RPS6KC1: variants seen among roughly 807,000 people sequenced by gnomAD.
RPS6KC1 encodes ribosomal protein S6 kinase C1.
Under a neutral mutation model 103.8 loss-of-function variants are expected in RPS6KC1, and 54 were observed. The ratio of observed to expected loss-of-function variants is 0.52; its 90% CI spans 0.42 to 0.65. The LOEUF is 0.65. RPS6KC1 is among the 30% of genes least tolerant of loss of function. The probability of loss-of-function intolerance (pLI) is 0.00; values close to 1 mark genes in which losing one functional copy is unlikely to be tolerated. For synonymous variants in RPS6KC1, 439 were observed against 438.7 expected (o/e 1.00, Z -0.01); for missense variants, 1,151 against 1,253.8 (o/e 0.92, Z 1.24).
intron 4 of RPS6KC1, among the ~76,000 whole-genome samples, chr1:213,109,533 A>T (rs562230513): frequency 6.6e-6 from 1 of 152,168 alleles, no homozygotes; most frequent in Non-Finnish European, 1.5e-5. Context: ...TTTTAATCTT[A>T]TGATGCTGTT....
chr1:213,312,695 C>T, the RPS6KC1 span, among the ~76,000 whole-genome samples: 2 of 152,216 alleles, frequency 1.3e-5, no homozygotes, highest in African/African-American at 2.4e-5. Flanking sequence ...CTGCCATCTC[C>T]GGCAGCTTCC....
the RPS6KC1 span, among the ~76,000 whole-genome samples, chr1:213,363,603 TCGC>T: frequency 2.6e-4 from 19 of 71,790 alleles, 1 homozygote; most frequent in African/African-American, 1.3e-3. Flanking sequence ...CCTTGCTCGC[TCGC>T]TTGCTTGCTT....
the RPS6KC1 span, among the ~76,000 whole-genome samples, chr1:213,289,698 G>A: frequency 6.6e-6 from 1 of 152,158 alleles, no homozygotes; most frequent in Admixed American, 6.5e-5. Context: ...TCTACTCTAT[G>A]AGGAAAATGT....
chr1:213,795,693 G>C, the RPS6KC1 span, among the ~76,000 whole-genome samples: 1 of 151,948 alleles, frequency 6.6e-6, no homozygotes, highest in African/African-American at 2.4e-5. Flanking sequence ...TCAGACCCTG[G>C]AATAGTAGAG....
chr1:213,247,121 T>C (rs1301063220), intron 12 of RPS6KC1, among the ~76,000 whole-genome samples: 5 of 152,230 alleles, frequency 3.3e-5, no homozygotes, highest in Non-Finnish European at 7.3e-5. Flanking sequence ...TGTCATTGAA[T>C]ACTTTTCACA....
At chr1:213,092,467 C>A (rs1483203062) in intron 3 of RPS6KC1, among the ~76,000 whole-genome samples, 1 of 151,980 alleles carries the variant, frequency 6.6e-6, no homozygotes, top group African/African-American at 2.4e-5. Context: ...GTCAGGAGAT[C>A]GAGACAATCC....
chr1:213,528,149 C>G, the RPS6KC1 span, among the ~76,000 whole-genome samples: 1 of 152,102 alleles, frequency 6.6e-6, no homozygotes, highest in African/African-American at 2.4e-5. Flanking sequence ...AAAGACATAC[C>G]TGAGACTGGG....
At chr1:213,217,041 T>C (rs1407625918) in intron 8 of RPS6KC1, among the ~76,000 whole-genome samples, 2 of 151,430 alleles carry the variant, frequency 1.3e-5, no homozygotes, top group East Asian at 3.9e-4. Flanking sequence ...CTGAAGGAGA[T>C]AGAGACACAA....
intron 4 of RPS6KC1, among the ~76,000 whole-genome samples, chr1:213,116,740 C>G (rs1367414171): frequency 6.6e-6 from 1 of 151,712 alleles, no homozygotes; most frequent in Non-Finnish European, 1.5e-5. Flanking sequence ...TCTTTTAGGG[C>G]AGGCCTGGTA....
chr1:213,604,363 G>A, the RPS6KC1 span, among the ~76,000 whole-genome samples: 1 of 152,204 alleles, frequency 6.6e-6, no homozygotes, highest in Admixed American at 6.5e-5. Context: ...ATTCCTCAGT[G>A]CAGTTTTGCC....
At chr1:213,647,275 T>G in the RPS6KC1 span, among the ~76,000 whole-genome samples, 2 of 152,164 alleles carry the variant, frequency 1.3e-5, no homozygotes, top group African/African-American at 2.4e-5. Flanking sequence ...ATGGGGTCCT[T>G]GCAGTGTGAC....
chr1:213,595,950 AT>A, the RPS6KC1 span, among the ~76,000 whole-genome samples: 720 of 151,802 alleles, frequency 4.7e-3, 2 homozygotes, highest in African/African-American at 0.016. Flanking sequence ...TATATTGGGG[AT>A]TTTTTTTTTG....
chr1:213,596,586 C>A, the RPS6KC1 span, among the ~76,000 whole-genome samples: 1 of 152,238 alleles, frequency 6.6e-6, no homozygotes, highest in African/African-American at 2.4e-5. Flanking sequence ...AACCCTGCTG[C>A]GCAGTAAGTG....
At chr1:213,549,077 C>T in the RPS6KC1 span, among the ~76,000 whole-genome samples, 1 of 152,136 alleles carries the variant, frequency 6.6e-6, no homozygotes, top group Non-Finnish European at 1.5e-5. Flanking sequence ...CTCCATTTCC[C>T]CCAGTGGGAG....
the RPS6KC1 span, among the ~76,000 whole-genome samples, chr1:213,321,241 C>T: frequency 6.4e-4 from 98 of 152,342 alleles, no homozygotes; most frequent in African/African-American, 2.2e-3. Flanking sequence ...ATAAGTTTTT[C>T]TGGGTAGATA....
chr1:213,105,885 T>A (rs1041567660), intron 4 of RPS6KC1, among the ~76,000 whole-genome samples: 1 of 152,222 alleles, frequency 6.6e-6, no homozygotes, highest in Non-Finnish European at 1.5e-5. Context: ...AGAATATTGC[T>A]TTATAGAAAT....
intron 10 of RPS6KC1, 139 bp downstream of exon 10, chr1:213,232,394 C>A: frequency 9.5e-7 from 1 of 1,057,160 alleles, no homozygotes; most frequent in Non-Finnish European, 1.4e-6. Flanking sequence ...GCTCTACCTC[C>A]CTACTTTGAG....
At chr1:213,591,890 C>T in the RPS6KC1 span, among the ~76,000 whole-genome samples, 1 of 152,174 alleles carries the variant, frequency 6.6e-6, no homozygotes, top group African/African-American at 2.4e-5. Context: ...GGCTTCTTAC[C>T]TGTGTCAATC....
the RPS6KC1 span, among the ~76,000 whole-genome samples, chr1:213,394,231 T>A: frequency 6.6e-6 from 1 of 152,184 alleles, no homozygotes; most frequent in African/African-American, 2.4e-5. Context: ...GAGCTCCCTG[T>A]GAACTAGCAT....
Sources: allele counts gnomAD v4.1 joint callset (sites outside exome capture counted in the v4.1 genomes callset), GRCh38; gene constraint gnomAD v4.1.1; transcripts MANE v1.5; gene names NCBI Gene and HGNC (gene_info 2026-07-23, HGNC 2026-07-21).